Variants in CDK14 observed in about 807,000 individuals in gnomAD.
CDK14 encodes cyclin dependent kinase 14.
CDK14 carries 34 observed loss-of-function variants against 60.7 expected under a neutral mutation model. That is an observed-to-expected ratio of 0.56 (90% CI 0.43 to 0.75). The LOEUF (loss-of-function observed/expected upper bound fraction) is 0.75, where lower values mean the gene tolerates loss of function less well. Ranked by LOEUF, CDK14 falls within the 30% of genes least tolerant of loss-of-function variation. The probability of loss-of-function intolerance (pLI) is 0.00; values close to 1 mark genes in which losing one functional copy is unlikely to be tolerated. For synonymous variants in CDK14, 197 were observed against 203.7 expected (o/e 0.97, Z 0.28); for missense variants, 482 against 564.1 (o/e 0.85, Z 1.47).
At chr7:90,871,042 C>A (rs1257757332) in intron 6 of CDK14, among the ~76,000 whole-genome samples, 5 of 152,150 alleles carry the variant, frequency 3.3e-5, no homozygotes, top group African/African-American at 7.2e-5. Flanking sequence ...GAATTGACAT[C>A]ATCATGGAGA....
At chr7:91,127,235 C>T (rs895656560) in intron 14 of CDK14, among the ~76,000 whole-genome samples, 4 of 152,104 alleles carry the variant, frequency 2.6e-5, no homozygotes, top group Non-Finnish European at 5.9e-5. Flanking sequence ...AATGAAGCGA[C>T]TTAGCATAAT....
intron 14 of CDK14, among the ~76,000 whole-genome samples, chr7:91,192,309 T>C (rs1024102679): frequency 6.6e-6 from 1 of 152,180 alleles, no homozygotes; most frequent in African/African-American, 2.4e-5. Flanking sequence ...CATGAGTTGC[T>C]CTTCTAATGA....
At position 91,207,389 on chromosome 7, in the gene CDK14, A is replaced by G. The variant is rs917574165; in HGVS notation, c.*253A>G. The G allele has an allele frequency of 2.0e-4, 30 of 152,500 alleles. No individual in the cohort carries two copies. The highest frequency in any genetic ancestry group is 7.2e-4 in the Admixed American group (11 of 15,290). 9.4% of individuals were successfully genotyped at this position (152,500 alleles called of 1,614,324 possible). On this transcript the variant is annotated 3_prime_UTR_variant, in exon 15 of 15. Coordinates refer to ENST00000380050, the MANE Select transcript of CDK14 (RefSeq NM_001287135.2). ...ACTACGTGAAGATTAAGCTTTGCTT[A>G]CTGATACATGGCATGTATTCTTTTC...
At chr7:90,742,078 G>A (rs913765640) in intron 3 of CDK14, among the ~76,000 whole-genome samples, 18 of 151,892 alleles carry the variant, frequency 1.2e-4, no homozygotes, top group African/African-American at 3.9e-4. Flanking sequence ...TTGCTCCTAC[G>A]TTTGTGATAC....
At chr7:91,183,058 A>T (rs1802051943) in intron 14 of CDK14, among the ~76,000 whole-genome samples, 1 of 152,228 alleles carries the variant, frequency 6.6e-6, no homozygotes, top group South Asian at 2.1e-4. Flanking sequence ...AAGGGATTTA[A>T]TCAACCTTCA....
intron 9 of CDK14, among the ~76,000 whole-genome samples, chr7:90,969,808 T>A (rs1212625173): frequency 6.6e-6 from 1 of 152,126 alleles, no homozygotes; most frequent in Non-Finnish European, 1.5e-5. Flanking sequence ...TAGTCCTCGG[T>A]GAAGGCATTT....
At chr7:90,910,717 C>A (rs1204678177) in intron 7 of CDK14, among the ~76,000 whole-genome samples, 1 of 152,106 alleles carries the variant, frequency 6.6e-6, no homozygotes, top group Non-Finnish European at 1.5e-5. Flanking sequence ...GTTCAAATAT[C>A]AGCACTCTCT....
chr7:90,840,957 A>G (rs886550657), intron 5 of CDK14, among the ~76,000 whole-genome samples: 31 of 152,212 alleles, frequency 2.0e-4, no homozygotes, highest in Non-Finnish European at 3.7e-4. Flanking sequence ...AATACAAGAG[A>G]GTACACACTC....
At chr7:91,165,387 A>G (rs1344780733) in intron 14 of CDK14, among the ~76,000 whole-genome samples, 1 of 152,170 alleles carries the variant, frequency 6.6e-6, no homozygotes, top group South Asian at 2.1e-4. Context: ...TAGGAGTCCA[A>G]ATACATGAGT....
intron 9 of CDK14, among the ~76,000 whole-genome samples, chr7:90,978,522 G>T (rs1795138538): frequency 6.6e-6 from 1 of 151,888 alleles, no homozygotes; most frequent in Non-Finnish European, 1.5e-5. Flanking sequence ...AAAATAAAAG[G>T]TAGTACTTCC....
At chr7:90,811,681 A>G (rs1338591539) in intron 5 of CDK14, among the ~76,000 whole-genome samples, 2 of 151,496 alleles carry the variant, frequency 1.3e-5, no homozygotes, top group East Asian at 2.0e-4. Flanking sequence ...TGAACAGGCA[A>G]CCTACAGAAT....
At chr7:90,771,618 TA>T (rs1386523677) in intron 4 of CDK14, among the ~76,000 whole-genome samples, 1 of 152,202 alleles carries the variant, frequency 6.6e-6, no homozygotes, top group African/African-American at 2.4e-5. Context: ...GGTTTATGGA[TA>T]GGCTTGAGAA....
chr7:90,907,113 G>A (rs1792733220), intron 7 of CDK14, among the ~76,000 whole-genome samples: 1 of 151,954 alleles, frequency 6.6e-6, no homozygotes, highest in Admixed American at 6.6e-5. Flanking sequence ...GAGGACATTG[G>A]CCCTGTTATA....
chr7:90,727,275 A>C (rs1021208481), intron 3 of CDK14, among the ~76,000 whole-genome samples: 2 of 152,126 alleles, frequency 1.3e-5, no homozygotes, highest in African/African-American at 4.8e-5. Flanking sequence ...TGACTCTGTA[A>C]AGTGACAAGT....
intron 2 of CDK14, among the ~76,000 whole-genome samples, chr7:90,607,811 A>G (rs1799449042): frequency 6.6e-6 from 1 of 152,210 alleles, no homozygotes; most frequent in Non-Finnish European, 1.5e-5. Flanking sequence ...GTCCCTGACT[A>G]CAATATTAGC....
At chr7:90,860,773 T>A (rs924540335) in intron 5 of CDK14, among the ~76,000 whole-genome samples, 1 of 152,112 alleles carries the variant, frequency 6.6e-6, no homozygotes, top group Non-Finnish European at 1.5e-5. Context: ...TCCACCCCGC[T>A]CGGCCTCCCA....
In CDK14 at chr7:91,092,847, C is replaced by T. The variant is rs557708645; in HGVS notation, c.1154+13367C>T. 3.2e-4 allele frequency among the ~76,000 whole-genome samples: 49 copies of T among 152,322 alleles called. No individual in the cohort carries two copies. In the South Asian group the frequency reaches 1.0e-2, roughly 31 times the overall value. On this transcript the variant is annotated intron_variant, in intron 12 of 14. Coordinates refer to ENST00000380050, the MANE Select transcript of CDK14 (RefSeq NM_001287135.2). Reference sequence around the variant, plus strand: ...GTTAAAAGTCACTCCTTAAATTACACATTCACATTCTAATGTAGAAGGAAA... The same window carrying T: ...GTTAAAAGTCACTCCTTAAATTACATATTCACATTCTAATGTAGAAGGAAA...
intron 12 of CDK14, among the ~76,000 whole-genome samples, chr7:91,103,112 G>T (rs993350637): frequency 2.0e-5 from 3 of 152,078 alleles, no homozygotes; most frequent in Non-Finnish European, 4.4e-5. Context: ...AATTAGCCAG[G>T]CTTGGTGGTG....
At chr7:90,706,684 G>C (rs1801903146) in intron 2 of CDK14, among the ~76,000 whole-genome samples, 1 of 152,122 alleles carries the variant, frequency 6.6e-6, no homozygotes, top group South Asian at 2.1e-4. Flanking sequence ...GGGGTTATCT[G>C]GGAAGAACAT....
Sources: gnomAD v4.1 joint callset for allele counts (sites outside exome capture counted in the v4.1 genomes callset) on GRCh38, gnomAD v4.1.1 for gene constraint, MANE v1.5 for transcripts, NCBI Gene and HGNC (gene_info 2026-07-23, HGNC 2026-07-21) for gene names.